ASB5: variants seen among roughly 807,000 people sequenced by gnomAD.
The protein encoded by ASB5 is ankyrin repeat and SOCS box protein 5.
ASB5 carries 45 observed loss-of-function variants against 42.1 expected under a neutral mutation model. That is an observed-to-expected ratio of 1.07 (90% CI 0.84 to 1.37). ASB5 has a LOEUF of 1.37. ASB5 is among the 40% of genes most tolerant of loss of function. The pLI is 0.00. For missense variants in ASB5, 402 were observed against 399.8 expected, an observed-to-expected ratio of 1.01 and a Z score of -0.05; for synonymous variants, 147 against 150.6, an observed-to-expected ratio of 0.98 and a Z score of 0.18.
At chr4:176,263,005 GGTGTA>G (rs1474000232) in intron 1 of ASB5, among the ~76,000 whole-genome samples, 13 of 152,284 alleles carry the variant, frequency 8.5e-5, no homozygotes, top group African/African-American at 2.9e-4. Flanking sequence ...CAATGTTGGA[GGTGTA>G]TAGTCTAATG....
At position 176,255,627 on chromosome 4, in the gene ASB5, G is replaced by T. The variant is rs533237973; in HGVS notation, c.196+13286C>A. On this transcript the variant is annotated intron_variant, in intron 1 of 6. Coordinates refer to ENST00000296525, the MANE Select transcript of ASB5 (RefSeq NM_080874.4). ...GTAGGAACAGAAAACTAAATGCTGC[G>T]TGTTGTCACTTATAAGTGGGAGCTA... 8.5e-5 allele frequency among the ~76,000 whole-genome samples: 13 copies of T among 152,326 alleles called. No individual in the cohort carries two copies. The South Asian group carries it at 1.0e-3, about 12-fold the overall frequency.
intron 1 of ASB5, among the ~76,000 whole-genome samples, chr4:176,251,138 C>T (rs1001325730): frequency 1.3e-5 from 2 of 151,786 alleles, no homozygotes; most frequent in African/African-American, 4.8e-5. Context: ...CTCCCCATGG[C>T]TCTAGCCACA....
intron 1 of ASB5, among the ~76,000 whole-genome samples, chr4:176,234,227 A>G (rs778992947): frequency 2.6e-5 from 4 of 152,110 alleles, no homozygotes; most frequent in Non-Finnish European, 5.9e-5. Context: ...CACCTGGAAT[A>G]AAATCCGAAG....
intron 1 of ASB5, among the ~76,000 whole-genome samples, chr4:176,239,987 G>A (rs978803060): frequency 6.6e-6 from 1 of 152,190 alleles, no homozygotes; most frequent in East Asian, 1.9e-4. Context: ...CTCAGTGTAC[G>A]TTCTGTGTGC....
chr4:176,242,522 A>T (rs1056186096), intron 1 of ASB5, among the ~76,000 whole-genome samples: 7 of 152,224 alleles, frequency 4.6e-5, no homozygotes, highest in African/African-American at 1.7e-4. Context: ...CTTAATATTC[A>T]AAATTATTGG....
intron 1 of ASB5, among the ~76,000 whole-genome samples, chr4:176,262,461 G>A (rs1205694755): frequency 2.0e-5 from 3 of 152,176 alleles, no homozygotes; most frequent in Non-Finnish European, 4.4e-5. Flanking sequence ...TTGTGAATAA[G>A]GATGCATGCT....
At chr4:176,263,305 A>G (rs1002256882) in intron 1 of ASB5, among the ~76,000 whole-genome samples, 3 of 152,144 alleles carry the variant, frequency 2.0e-5, no homozygotes, top group South Asian at 4.1e-4. Flanking sequence ...CTTTTCCTTT[A>G]TAGTAACACA....
At chr4:176,237,217 A>C (rs1158276456) in intron 1 of ASB5, 1 of 927,872 alleles carries the variant, frequency 1.1e-6, no homozygotes, top group Non-Finnish European at 1.3e-6. Context: ...CCGCAGTTTA[A>C]AGTTAGTATT....
intron 1 of ASB5, chr4:176,277,194 C>T (rs1175969912): frequency 6.6e-6 from 1 of 152,214 alleles, no homozygotes. Flanking sequence ...AGTAAACAAA[C>T]CTGCCCCAGA....
chr4:176,219,848 C>T (rs1753150854), intron 5 of ASB5, among the ~76,000 whole-genome samples: 1 of 151,288 alleles, frequency 6.6e-6, no homozygotes, highest in Non-Finnish European at 1.5e-5. Flanking sequence ...ATTACAGGCC[C>T]ATATATTTTA....
intron 1 of ASB5, among the ~76,000 whole-genome samples, chr4:176,262,282 T>G (rs1754279826): frequency 6.6e-6 from 1 of 152,208 alleles, no homozygotes; most frequent in South Asian, 2.1e-4. Flanking sequence ...ATATTTTCCA[T>G]TTTTCACAAA....
intron 5 of ASB5, among the ~76,000 whole-genome samples, chr4:176,217,783 A>G (rs934086028): frequency 1.3e-5 from 2 of 151,940 alleles, no homozygotes; most frequent in Non-Finnish European, 2.9e-5. Context: ...TAACCATCCC[A>G]TTTTCTGGTA....
At chr4:176,235,512 T>C (rs542689394) in intron 1 of ASB5, among the ~76,000 whole-genome samples, 14 of 152,330 alleles carry the variant, frequency 9.2e-5, no homozygotes, top group African/African-American at 3.4e-4. Flanking sequence ...CTACCACAAG[T>C]GATTATGATA....
rs1204272571 is a variant in ASB5 at position 176,269,104 on chromosome 4, G to A, written c.5C>T (p.Ser2Leu). 2 of 1,609,240 alleles carry A rather than the reference G, an allele frequency of 1.2e-6. No homozygotes were observed. M[S>L]VLEENRPFAQ... ...AAACGGCCGATTTTCTTCTAACACC[G>A]ACATTGCTGCAGAAGAATCTGCGGC... Residue 2 changes from serine to leucine, a missense_variant, in exon 1 of 7, where the codon TCG (serine) becomes TTG (leucine). Coordinates refer to ENST00000296525, the MANE Select transcript of ASB5 (RefSeq NM_080874.4).
intron 1 of ASB5, among the ~76,000 whole-genome samples, chr4:176,264,082 C>G (rs1754314081): frequency 6.6e-6 from 1 of 150,786 alleles, no homozygotes; most frequent in African/African-American, 2.4e-5. Context: ...AACCCTAAAA[C>G]AAAACTTATG....
At chr4:176,225,903 G>A (rs1753365394) in intron 1 of ASB5, among the ~76,000 whole-genome samples, 1 of 152,160 alleles carries the variant, frequency 6.6e-6, no homozygotes, top group African/African-American at 2.4e-5. Context: ...TATGCCTTTT[G>A]AATTATCTGC....
Position 176,269,199 on chromosome 4 carries a change from T to C in ASB5, c.-91A>G. 1 of 1,177,486 alleles carries C rather than the reference T, an allele frequency of 8.5e-7. No individual in the cohort carries two copies. Among genetic ancestry groups the C allele is most frequent in the Middle Eastern group, 2.0e-4 (1 of 4,888 alleles). 72.9% of individuals were successfully genotyped at this position (1,177,486 alleles called of 1,614,324 possible). A position where few individuals can be genotyped will look rare whatever the true frequency, so the allele number is the denominator to read the frequency against. ...CGGGATGCTCCTGAACAGCTGGTCC[T>C]GAGGAAAGAAAATATCAGCTGGTAG... On this transcript the variant is annotated 5_prime_UTR_variant, in exon 1 of 7. Transcript: ENST00000296525.
At chr4:176,259,697 A>G (rs1012922040) in intron 1 of ASB5, among the ~76,000 whole-genome samples, 1 of 152,186 alleles carries the variant, frequency 6.6e-6, no homozygotes, top group African/African-American at 2.4e-5. Flanking sequence ...AAATTTTATC[A>G]TTGTCAGCTT....
At chr4:176,216,666 T>A in intron 6 of ASB5, 152 bp downstream of exon 6, 1 of 725,730 alleles carries the variant, frequency 1.4e-6, no homozygotes, top group Non-Finnish European at 2.2e-6. Context: ...TCTTTATAGA[T>A]AAAACCTAAG....
Sources: gnomAD v4.1 joint callset for allele counts (sites outside exome capture counted in the v4.1 genomes callset) on GRCh38, gnomAD v4.1.1 for gene constraint, MANE v1.5 for transcripts, NCBI Gene and HGNC (gene_info 2026-07-23, HGNC 2026-07-21) for gene names.